The following NEMP2 variants were observed in gnomAD, a reference collection of about 807,000 sequenced individuals.
The protein encoded by NEMP2 is nuclear envelope integral membrane protein 2.
A neutral mutation model predicts 54.2 loss-of-function variants in NEMP2; 53 were observed. The observed-to-expected ratio is 0.98, with a 90% CI of 0.78 to 1.23. NEMP2 has a LOEUF of 1.23. Ranked by LOEUF, NEMP2 falls within the 50% of genes most tolerant of loss-of-function variation. NEMP2 has a pLI of 0.00. For missense variants in NEMP2, 455 were observed against 511.3 expected, an observed-to-expected ratio of 0.89 and a Z score of 1.06; for synonymous variants, 197 against 190.3, an observed-to-expected ratio of 1.04 and a Z score of -0.29.
chr2:190,550,498 G>A, the NEMP2 span, among the ~76,000 whole-genome samples: 1 of 152,108 alleles, frequency 6.6e-6, no homozygotes, highest in Non-Finnish European at 1.5e-5. This position sits in a 1 kb window ranked among gnomAD's most constrained non-coding sequence, Gnocchi z 4.7. Flanking sequence ...AAACCATAGC[G>A]ATGAAATTAG....
chr2:190,538,847 A>G (rs577307466), upstream of NEMP2, among the ~76,000 whole-genome samples: 1 of 152,182 alleles, frequency 6.6e-6, no homozygotes, highest in South Asian at 2.1e-4. The surrounding 1 kb of genome is among the most constrained non-coding windows in gnomAD (Gnocchi z 4.1). Flanking sequence ...AGTTCCTGAT[A>G]TATTCTGGTT....
chr2:190,428,033 T>C, the NEMP2 span, among the ~76,000 whole-genome samples: 3 of 152,170 alleles, frequency 2.0e-5, no homozygotes, highest in South Asian at 2.1e-4. Context: ...TGCCCTGCCA[T>C]GTCTACCACT....
chr2:190,570,441 G>A, the NEMP2 span, among the ~76,000 whole-genome samples: 1 of 152,178 alleles, frequency 6.6e-6, no homozygotes, highest in Non-Finnish European at 1.5e-5. This position sits in a 1 kb window ranked among gnomAD's most constrained non-coding sequence, Gnocchi z 5.4. Context: ...GCCAGCCCAA[G>A]GGTAGCATGG....
chr2:190,510,444 A>G lies in NEMP2; in HGVS notation c.1047T>C (p.Ser349=), dbSNP rs1188421414. ...AGGCCCGGCGTAGCTCCTCCAGAGC[A>G]CTGTTCGTTTCAGCATCAGCTTGCT... ...YREQADAETN[S]ALEELRRACR... Residue 349 remains serine (S), a synonymous_variant, in exon 8 of 9, where the codon AGT becomes AGC. Coordinates refer to ENST00000409150, the MANE Select transcript of NEMP2 (RefSeq NM_001142645.2). The surrounding 1 kb of genome is among the most constrained non-coding windows in gnomAD (Gnocchi z 5.7). The G allele has an allele frequency of 3.2e-6, 5 of 1,551,782 alleles. No individual in the cohort carries two copies. The Admixed American group carries it at 5.9e-5, about 18-fold the overall frequency.
chr2:190,457,663 A>T, the NEMP2 span, among the ~76,000 whole-genome samples: 24 of 152,314 alleles, frequency 1.6e-4, no homozygotes, highest in African/African-American at 5.5e-4. This position sits in a 1 kb window ranked among gnomAD's most constrained non-coding sequence, Gnocchi z 5.1. Flanking sequence ...TTATTGCTGA[A>T]ATATTTGCAT....
At chr2:190,557,108 G>T in the NEMP2 span, among the ~76,000 whole-genome samples, 1 of 152,112 alleles carries the variant, frequency 6.6e-6, no homozygotes, top group Admixed American at 6.6e-5. Context: ...AAACAGCATG[G>T]TACTGGTACC....
the NEMP2 span, among the ~76,000 whole-genome samples, chr2:190,495,612 A>G: frequency 9.8e-5 from 15 of 152,348 alleles, no homozygotes; most frequent in East Asian, 2.9e-3. This position sits in a 1 kb window ranked among gnomAD's most constrained non-coding sequence, Gnocchi z 4.7. Context: ...ATAAGGCCAT[A>G]GTCACCAAAA....
the NEMP2 span, among the ~76,000 whole-genome samples, chr2:190,544,536 G>A: frequency 3.3e-5 from 5 of 152,256 alleles, no homozygotes; most frequent in Non-Finnish European, 7.4e-5. Flanking sequence ...TTCTTATTCA[G>A]TAGGTCTGAT....
rs1455711855 is a variant in NEMP2, at chr2:190,517,526, A to C, written c.606T>G (p.Ile202Met). 6.5e-7 allele frequency: 1 copy of C among 1,548,586 alleles called. No individual in the cohort carries two copies. The highest frequency in any genetic ancestry group is 8.7e-7 in the Non-Finnish European group (1 of 1,145,424). Residue 202 changes from isoleucine to methionine, a missense_variant, in exon 5 of 9, where the codon ATT (isoleucine) becomes ATG (methionine). Physicochemically the swap from Ile to Met is conservative, Grantham distance 10. Coordinates refer to ENST00000409150, the MANE Select transcript of NEMP2 (RefSeq NM_001142645.2). ...VFVLLLVKRF[I>M]PKYSTFWALM... Reference sequence around the variant, plus strand: ...TTTCACATAGTATGCCTACCTTCGGAATGAATCTTTTCACCAACAGCAAGA... The same window carrying C: ...TTTCACATAGTATGCCTACCTTCGGCATGAATCTTTTCACCAACAGCAAGA...
the NEMP2 span, among the ~76,000 whole-genome samples, chr2:190,586,691 C>G: frequency 6.6e-6 from 1 of 152,076 alleles, no homozygotes; most frequent in African/African-American, 2.4e-5. This position sits in a 1 kb window ranked among gnomAD's most constrained non-coding sequence, Gnocchi z 4.5. Flanking sequence ...GGTTTTTATC[C>G]TAAGCACCAT....
rs1424578317 is a variant in NEMP2, at chr2:190,528,182, A to G, written c.98-2804T>C. Reference sequence around the variant, plus strand: ...TCTGGCCAAGGGCAGCATAGGGGGAAGTGCAGTCCCAGGGATATCAAAGGG... The same window carrying G: ...TCTGGCCAAGGGCAGCATAGGGGGAGGTGCAGTCCCAGGGATATCAAAGGG... On this transcript the variant is annotated intron_variant, in intron 1 of 8. Transcript: ENST00000409150. This position sits in a 1 kb window ranked among gnomAD's most constrained non-coding sequence, Gnocchi z 4.3. Among the ~76,000 whole-genome samples, 1 of 152,228 alleles carries G rather than the reference A, an allele frequency of 6.6e-6. No individual in the cohort carries two copies. Among genetic ancestry groups the G allele is most frequent in the Admixed American group, 6.5e-5 (1 of 15,286 alleles).
the NEMP2 span, among the ~76,000 whole-genome samples, chr2:190,544,751 G>A: frequency 2.0e-5 from 3 of 151,884 alleles, no homozygotes; most frequent in African/African-American, 7.3e-5. Flanking sequence ...GTACATTTAA[G>A]GTAACTAAGA....
intron 1 of NEMP2, among the ~76,000 whole-genome samples, chr2:190,532,842 G>C (rs185224353): frequency 9.8e-5 from 15 of 152,300 alleles, no homozygotes; most frequent in Admixed American, 9.2e-4. Flanking sequence ...CCAGATGCTG[G>C]GCGCTTCACA....
chr2:190,539,304 C>T (rs2125372392), upstream of NEMP2, among the ~76,000 whole-genome samples: 1 of 152,224 alleles, frequency 6.6e-6, no homozygotes, highest in South Asian at 2.1e-4. This position sits in a 1 kb window ranked among gnomAD's most constrained non-coding sequence, Gnocchi z 4.1. Context: ...TGCCATTGGT[C>T]TATGTGTCTT....
the NEMP2 span, among the ~76,000 whole-genome samples, chr2:190,550,154 G>A: frequency 1.2e-4 from 19 of 152,254 alleles, no homozygotes; most frequent in East Asian, 2.5e-3. This position sits in a 1 kb window ranked among gnomAD's most constrained non-coding sequence, Gnocchi z 4.7. Context: ...TGTTTGGGGT[G>A]CTATAACAAA....
chr2:190,436,781 C>A, the NEMP2 span: 1 of 1,614,178 alleles, frequency 6.2e-7, no homozygotes, highest in Admixed American at 1.7e-5. This position sits in a 1 kb window ranked among gnomAD's most constrained non-coding sequence, Gnocchi z 5.3. Flanking sequence ...ACCCCTGTCT[C>A]CCCAGGAAGC....
At chr2:190,475,030 ACT>A in the NEMP2 span, among the ~76,000 whole-genome samples, 8 of 152,108 alleles carry the variant, frequency 5.3e-5, no homozygotes, top group Admixed American at 3.3e-4. Context: ...CATGCTAAAA[ACT>A]CTCAATAAAT....
At chr2:190,463,723 G>A in the NEMP2 span, 1 of 220,098 alleles carries the variant, frequency 4.5e-6, no homozygotes, top group South Asian at 1.6e-4. The surrounding 1 kb of genome is among the most constrained non-coding windows in gnomAD (Gnocchi z 4.4). Flanking sequence ...GGGGGGCTGA[G>A]GTGGGAGGAT....
the NEMP2 span, among the ~76,000 whole-genome samples, chr2:190,564,186 G>T: frequency 1.3e-5 from 2 of 152,220 alleles, no homozygotes; most frequent in South Asian, 2.1e-4. The surrounding 1 kb of genome is among the most constrained non-coding windows in gnomAD (Gnocchi z 4.2). Context: ...GAGGAAATAT[G>T]TGTATAATAG....
Sources: gnomAD v4.1 joint callset for allele counts (sites outside exome capture counted in the v4.1 genomes callset) on GRCh38, gnomAD v4.1.1 for gene constraint, Gnocchi (gnomAD v3.1) non-coding constraint, MANE v1.5 for transcripts, NCBI Gene and HGNC (gene_info 2026-07-23, HGNC 2026-07-21) for gene names.